Variants in PRKRIP1 observed in about 807,000 individuals in gnomAD.
PRKRIP1 encodes the protein PRKR-interacting protein 1.
Under a neutral mutation model 29.3 loss-of-function variants are expected in PRKRIP1, and 29 were observed. The observed-to-expected ratio is 0.99, with a 90% CI of 0.74 to 1.35. The LOEUF (loss-of-function observed/expected upper bound fraction) is 1.35, where lower values mean the gene tolerates loss of function less well. PRKRIP1 is among the 40% of genes most tolerant of loss of function. PRKRIP1 has a pLI of 0.00. For synonymous variants in PRKRIP1, 90 were observed against 85.1 expected (o/e 1.06, Z -0.32); for missense variants, 247 against 236.8 (o/e 1.04, Z -0.28).
intron 3 of PRKRIP1, among the ~76,000 whole-genome samples, chr7:102,400,424 T>C (rs1392462006): frequency 1.3e-5 from 2 of 152,174 alleles, no homozygotes; most frequent in South Asian, 2.1e-4. Flanking sequence ...TCTTTAAACA[T>C]GGTGAGTAAA....
intron 5 of PRKRIP1, among the ~76,000 whole-genome samples, chr7:102,418,404 G>A (rs1796609538): frequency 6.6e-6 from 1 of 152,084 alleles, no homozygotes; most frequent in Admixed American, 6.6e-5. Flanking sequence ...CAAGGTCTGG[G>A]GACTAGGCAT....
intron 5 of PRKRIP1, among the ~76,000 whole-genome samples, chr7:102,414,133 A>C (rs537134245): frequency 6.6e-6 from 1 of 152,168 alleles, no homozygotes; most frequent in Non-Finnish European, 1.5e-5. Flanking sequence ...AGGCTGAGAC[A>C]GGAGAATCAC....
intron 5 of PRKRIP1, among the ~76,000 whole-genome samples, chr7:102,423,898 G>A (rs1488281543): frequency 6.6e-6 from 1 of 152,172 alleles, no homozygotes; most frequent in Admixed American, 6.5e-5. Flanking sequence ...CTGGGCTCAA[G>A]TGATCCATCC....
intron 5 of PRKRIP1, among the ~76,000 whole-genome samples, chr7:102,415,532 A>G (rs930636806): frequency 1.3e-5 from 2 of 152,180 alleles, no homozygotes; most frequent in Non-Finnish European, 2.9e-5. Context: ...CACCGCACCC[A>G]GCCCCAAAGC....
intron 4 of PRKRIP1, chr7:102,405,832 A>G (rs1225996899): frequency 1.7e-5 from 5 of 287,718 alleles, no homozygotes; most frequent in African/African-American, 1.1e-4. Flanking sequence ...AATAGGAACC[A>G]TTACAATCAA....
At chr7:102,410,905 A>G (rs1230839750) in intron 5 of PRKRIP1, among the ~76,000 whole-genome samples, 1 of 152,082 alleles carries the variant, frequency 6.6e-6, no homozygotes, top group Non-Finnish European at 1.5e-5. Context: ...ATTCAAGGCT[A>G]CCATTTAATT....
chr7:102,403,168 C>T (rs1796118010), intron 3 of PRKRIP1, among the ~76,000 whole-genome samples: 1 of 152,192 alleles, frequency 6.6e-6, no homozygotes, highest in Non-Finnish European at 1.5e-5. Context: ...AGCCACCGCA[C>T]CCGGACTTCA....
chr7:102,422,245 G>T (rs1796714933), intron 5 of PRKRIP1, among the ~76,000 whole-genome samples: 1 of 149,790 alleles, frequency 6.7e-6, no homozygotes, highest in African/African-American at 2.5e-5. Flanking sequence ...TGTGATCTTG[G>T]CTCATTGCAA....
At chr7:102,422,824 G>C (rs1307540960) in intron 5 of PRKRIP1, among the ~76,000 whole-genome samples, 2 of 152,158 alleles carry the variant, frequency 1.3e-5, no homozygotes, top group Non-Finnish European at 2.9e-5. Context: ...TATGTGTGTG[G>C]GGTATATATG....
chr7:102,415,515 C>T (rs921905450), intron 5 of PRKRIP1, among the ~76,000 whole-genome samples: 1 of 152,210 alleles, frequency 6.6e-6, no homozygotes, highest in East Asian at 1.9e-4. Context: ...GGATTACAGG[C>T]GTGAGCCACC....
At position 102,396,372 on chromosome 7, in the gene PRKRIP1, C is replaced by G. The variant is rs112609338; in HGVS notation, c.-40C>G. On this transcript the variant is annotated 5_prime_UTR_variant, in exon 1 of 6. Coordinates refer to ENST00000397912, the MANE Select transcript of PRKRIP1 (RefSeq NM_024653.4). ...GCGCGGCTGTGTCGTCATACTTGCG[C>G]GCCGACGCCGCCGCTCGCTTGTGAA... The G allele has an allele frequency of 1.9e-3, 2,822 of 1,486,608 alleles. 47 individuals carry two copies. In the African/African-American group the frequency reaches 0.034, roughly 18 times the overall value. The allele number at this position is 1,486,608 out of a possible 1,614,324, so 92.1% of individuals were successfully genotyped here.
intron 5 of PRKRIP1, among the ~76,000 whole-genome samples, chr7:102,414,095 C>T (rs781847170): frequency 4.6e-5 from 7 of 152,088 alleles, no homozygotes; most frequent in Non-Finnish European, 5.9e-5. Context: ...GGCATAATAG[C>T]GTGTACCTGT....
chr7:102,400,189 A>C (rs1439917994), intron 3 of PRKRIP1, among the ~76,000 whole-genome samples: 1 of 152,028 alleles, frequency 6.6e-6, no homozygotes, highest in Middle Eastern at 3.2e-3. Context: ...GGGCAACTGT[A>C]GTCCCAGCTA....
Position 102,425,267 on chromosome 7 carries a change from G to C in PRKRIP1, c.*156G>C. 6.8e-7 allele frequency: 1 copy of C among 1,470,464 alleles called. No homozygotes were observed. Among genetic ancestry groups the C allele is most frequent in the Non-Finnish European group, 9.0e-7 (1 of 1,108,952 alleles). The allele number at this position is 1,470,464 out of a possible 1,614,324, so 91.1% of individuals were successfully genotyped here. ...CGAGCCGCTCACAGTCCTGTATTTG[G>C]CAGGTTTGGGAGCCTGAGGGGCCAT... On this transcript the variant is annotated 3_prime_UTR_variant, in exon 6 of 6. Coordinates refer to ENST00000397912, the MANE Select transcript of PRKRIP1 (RefSeq NM_024653.4).
At chr7:102,396,774 C>T (rs1795911627) in intron 1 of PRKRIP1, among the ~76,000 whole-genome samples, 1 of 152,150 alleles carries the variant, frequency 6.6e-6, no homozygotes, top group Non-Finnish European at 1.5e-5. Context: ...GAGCGGCTTC[C>T]CGTGCTCCAA....
At chr7:102,398,067 G>A (rs1554570675) in intron 2 of PRKRIP1, among the ~76,000 whole-genome samples, 1 of 151,922 alleles carries the variant, frequency 6.6e-6, no homozygotes, top group African/African-American at 2.4e-5. Flanking sequence ...AAAAAAGGTA[G>A]CTATAAAAAT....
intron 5 of PRKRIP1, among the ~76,000 whole-genome samples, chr7:102,414,849 G>A (rs1259617879): frequency 1.3e-5 from 2 of 151,966 alleles, no homozygotes; most frequent in African/African-American, 4.8e-5. Flanking sequence ...TTATGCCACT[G>A]CACTCTAGCC....
chr7:102,424,769 G>A (rs1344344859), intron 5 of PRKRIP1, among the ~76,000 whole-genome samples: 1 of 152,158 alleles, frequency 6.6e-6, no homozygotes, highest in East Asian at 1.9e-4. Context: ...GGTCTTGCGT[G>A]TGCCTCTGGG....
At chr7:102,419,230 A>G (rs1796628875) in intron 5 of PRKRIP1, among the ~76,000 whole-genome samples, 1 of 151,986 alleles carries the variant, frequency 6.6e-6, no homozygotes, top group African/African-American at 2.4e-5. Context: ...CCTGGCCAAC[A>G]TGGTGAAACC....
Sources: gnomAD v4.1 joint callset for allele counts (sites outside exome capture counted in the v4.1 genomes callset) on GRCh38, gnomAD v4.1.1 for gene constraint, MANE v1.5 for transcripts, NCBI Gene and HGNC (gene_info 2026-07-23, HGNC 2026-07-21) for gene names.